Variants in TULP3 observed in about 807,000 individuals in gnomAD.
The protein encoded by TULP3 is TUB like protein 3.
In TULP3, 38 loss-of-function variants were observed where a neutral mutation model predicts 50.7. The observed-to-expected ratio is 0.75, with a 90% confidence interval of 0.58 to 0.98. TULP3 has a LOEUF of 0.98. TULP3 is among the 50% of genes least tolerant of loss of function. The probability of loss-of-function intolerance (pLI) is 0.00; values close to 1 mark genes in which losing one functional copy is unlikely to be tolerated. For missense variants in TULP3, 550 were observed against 568.0 expected (o/e 0.97, Z 0.32); for synonymous variants, 183 against 196.6 (o/e 0.93, Z 0.58).
At chr12:2,917,877 A>AG (rs1254818186) in intron 2 of TULP3, among the ~76,000 whole-genome samples, 1 of 40,880 alleles carries the variant, frequency 2.4e-5, no homozygotes, top group African/African-American at 1.6e-4. Flanking sequence ...ACTCTGTCTC[A>AG]AAAAAAAAAG....
rs540055944 is a variant in TULP3, at chr12:2,925,759, A to C, written c.394+3357A>C. ...CAAAAATAATTTTCTATTTAACCAA[A>C]GCTAAATTACTCACCCTGAGTCAAC... is the stretch of plus-strand genomic sequence containing the variant. On this transcript the variant is annotated intron_variant, in intron 4 of 10. Transcript: ENST00000448120. 3.9e-5 allele frequency among the ~76,000 whole-genome samples: 6 copies of C among 152,192 alleles called. No homozygotes were observed. In the East Asian group the frequency reaches 9.6e-4, roughly 24 times the overall value.
chr12:2,890,933 T>C lies in TULP3; in HGVS notation c.-15T>C. On this transcript the variant is annotated 5_prime_UTR_variant, in exon 1 of 11. Transcript: ENST00000448120. ...GAAGAGTGTGTACGTGGTGGGGGCTTCCTCGGTGGCGGGCATGGAGGCTTC... is the reference window on the plus strand; with the variant it reads ...GAAGAGTGTGTACGTGGTGGGGGCTCCCTCGGTGGCGGGCATGGAGGCTTC... 6.3e-7 allele frequency: 1 copy of C among 1,592,690 alleles called. No individual in the cohort carries two copies. Among genetic ancestry groups the C allele is most frequent in the Non-Finnish European group, 8.5e-7 (1 of 1,169,814 alleles).
rs1304908319 is a variant in TULP3, at chr12:2,940,721, A to T, written c.*1277A>T. 1 of 1,549,584 alleles carries T rather than the reference A, an allele frequency of 6.5e-7. No homozygotes were observed. ...TGTTCCTGCACCACATCAGATAAGC[A>T]TGTGAAGGAGGGCCAACTGGCAGCT... On this transcript the variant is annotated 3_prime_UTR_variant, in exon 11 of 11. Coordinates refer to ENST00000448120, the MANE Select transcript of TULP3 (RefSeq NM_003324.5).
chr12:2,898,813 G>A (rs938221552), intron 1 of TULP3, among the ~76,000 whole-genome samples: 7 of 151,448 alleles, frequency 4.6e-5, no homozygotes, highest in African/African-American at 1.7e-4. Flanking sequence ...CTGAGTAGCT[G>A]GGATTACAGG....
rs1456534504 is a variant in TULP3, at chr12:2,922,340, A to G, written c.332A>G (p.Asp111Gly). 1 of 1,614,216 alleles carries G rather than the reference A, an allele frequency of 6.2e-7. No homozygotes were observed. The highest frequency in any genetic ancestry group is 8.5e-7 in the Non-Finnish European group (1 of 1,180,048). The change falls in exon 4 of 11, where the codon GAT becomes GGT. Residue 111 changes from aspartate to glycine, a missense_variant. Transcript: ENST00000448120. ...PSVSSSVVEE[D>G]AENTVDTASK... is the part of the protein sequence containing the mutation. ...GTAAGCTCCTCTGTTGTGGAAGAAG[A>G]TGCTGAAAACACCGTGGATACTGCT...
intron 2 of TULP3, among the ~76,000 whole-genome samples, chr12:2,911,918 G>C (rs928265849): frequency 2.6e-5 from 4 of 151,180 alleles, no homozygotes; most frequent in Admixed American, 1.3e-4. Flanking sequence ...GACCTCAAGT[G>C]TTTTAGTTCA....
intron 1 of TULP3, among the ~76,000 whole-genome samples, chr12:2,891,940 G>A (rs2098172366): frequency 6.6e-6 from 1 of 151,984 alleles, no homozygotes; most frequent in Admixed American, 6.6e-5. Context: ...TTAAAATTTG[G>A]CCGGACACGG....
At chr12:2,937,581 C>A in intron 8 of TULP3, 50 bp from the exon 9 acceptor site, 3 of 1,281,204 alleles carry the variant, frequency 2.3e-6, no homozygotes, top group South Asian at 1.3e-5. Flanking sequence ...AGAATGTGGT[C>A]TCTATTTTTT....
At chr12:2,891,841 C>G (rs1394237707) in intron 1 of TULP3, among the ~76,000 whole-genome samples, 1 of 152,072 alleles carries the variant, frequency 6.6e-6, no homozygotes, top group Non-Finnish European at 1.5e-5. Context: ...ATCGCTTGGT[C>G]TCAGGAGTTC....
chr12:2,899,345 CAAAA>C (rs55818833), intron 1 of TULP3, among the ~76,000 whole-genome samples: 2 of 82,828 alleles, frequency 2.4e-5, no homozygotes, highest in African/African-American at 9.1e-5. Flanking sequence ...AACGACGTCT[CAAAA>C]AAAAAAAAAA....
chr12:2,910,324 A>G (rs527864228), intron 2 of TULP3, among the ~76,000 whole-genome samples: 3 of 152,222 alleles, frequency 2.0e-5, no homozygotes, highest in African/African-American at 7.2e-5. Context: ...TTCTTCACAG[A>G]GCTGCTGGCA....
At chr12:2,902,864 AT>A (rs55745440) in intron 1 of TULP3, among the ~76,000 whole-genome samples, 3,715 of 144,686 alleles carry the variant, frequency 0.026, 66 homozygotes, top group Non-Finnish European at 0.037. Context: ...GGGCAATGGG[AT>A]TTTTTTTTTT....
At chr12:2,902,864 A>T (rs200735548) in intron 1 of TULP3, among the ~76,000 whole-genome samples, 2 of 144,802 alleles carry the variant, frequency 1.4e-5, no homozygotes. Context: ...GGGCAATGGG[A>T]TTTTTTTTTT....
At chr12:2,919,315 A>G (rs2098190425) in intron 2 of TULP3, among the ~76,000 whole-genome samples, 1 of 152,228 alleles carries the variant, frequency 6.6e-6, no homozygotes, top group African/African-American at 2.4e-5. Flanking sequence ...AATAATCTCC[A>G]AACAACTTAG....
At chr12:2,925,125 G>A (rs745520571) in intron 4 of TULP3, among the ~76,000 whole-genome samples, 3 of 151,676 alleles carry the variant, frequency 2.0e-5, no homozygotes, top group African/African-American at 4.8e-5. Context: ...CCGAGATCAC[G>A]CCACTACACT....
intron 4 of TULP3, among the ~76,000 whole-genome samples, chr12:2,922,853 T>A (rs1222730298): frequency 3.9e-5 from 5 of 127,530 alleles, no homozygotes; most frequent in Non-Finnish European, 8.1e-5. Context: ...TTTAGAAAAA[T>A]AATTTTTTTT....
chr12:2,906,788 C>T (rs1036080273), intron 1 of TULP3, among the ~76,000 whole-genome samples: 1 of 151,022 alleles, frequency 6.6e-6, no homozygotes, highest in Non-Finnish European at 1.5e-5. Flanking sequence ...TGGTGGCACA[C>T]GCCTGTAATC....
chr12:2,933,105 G>A (rs2098199133), intron 6 of TULP3, among the ~76,000 whole-genome samples: 1 of 152,042 alleles, frequency 6.6e-6, no homozygotes, highest in African/African-American at 2.4e-5. Flanking sequence ...ACCACGCCCA[G>A]CTAATTTTTT....
At chr12:2,904,511 C>G (rs1320146247) in intron 1 of TULP3, among the ~76,000 whole-genome samples, 1 of 152,112 alleles carries the variant, frequency 6.6e-6, no homozygotes, top group Non-Finnish European at 1.5e-5. Flanking sequence ...CAGGTATCTT[C>G]AGTTTAGCCT....
Sources: gnomAD v4.1 joint callset for allele counts (sites outside exome capture counted in the v4.1 genomes callset) on GRCh38, gnomAD v4.1.1 for gene constraint, MANE v1.5 for transcripts, NCBI Gene and HGNC (gene_info 2026-07-23, HGNC 2026-07-21) for gene names.